SIK3: variants seen among roughly 807,000 people sequenced by gnomAD.
SIK3 encodes the protein SIK family kinase 3, also known as serine/threonine-protein kinase SIK3.
SIK3 carries 28 observed loss-of-function variants against 144.2 expected under a neutral mutation model. The ratio of observed to expected loss-of-function variants is 0.19; its 90% CI spans 0.14 to 0.27. The LOEUF (loss-of-function observed/expected upper bound fraction) is 0.27. SIK3 is among the 10% of genes least tolerant of loss of function. The pLI is 1.00. For missense variants in SIK3, 1,319 were observed against 1,776.0 expected (o/e 0.74, Z 4.62); for synonymous variants, 686 against 676.3 (o/e 1.01, Z -0.22).
intron 1 of SIK3, among the ~76,000 whole-genome samples, chr11:116,958,052 C>T (rs528089835): frequency 1.3e-5 from 2 of 152,222 alleles, no homozygotes; most frequent in South Asian, 4.1e-4. Context: ...ATGTCTATAT[C>T]TCAGTTTCAA....
At chr11:117,025,920 T>C (rs894898627) in intron 1 of SIK3, among the ~76,000 whole-genome samples, 1 of 152,174 alleles carries the variant, frequency 6.6e-6, no homozygotes, top group Non-Finnish European at 1.5e-5. Flanking sequence ...TTGTGTTCAA[T>C]ACTAAGCCAT....
chr11:116,966,051 G>C (rs1453630312), intron 1 of SIK3, among the ~76,000 whole-genome samples: 4 of 152,022 alleles, frequency 2.6e-5, no homozygotes, highest in African/African-American at 9.7e-5. Context: ...GGGATCTGGG[G>C]AAGAAAAGGG....
intron 1 of SIK3, among the ~76,000 whole-genome samples, chr11:117,082,480 T>C (rs1261388324): frequency 6.6e-6 from 1 of 152,190 alleles, no homozygotes; most frequent in Non-Finnish European, 1.5e-5. Context: ...TGTAAGAACA[T>C]GCATGAACCT....
intron 1 of SIK3, among the ~76,000 whole-genome samples, chr11:117,045,139 G>T (rs1399535484): frequency 6.6e-6 from 1 of 152,178 alleles, no homozygotes; most frequent in Non-Finnish European, 1.5e-5. Flanking sequence ...GCACAAGACA[G>T]AATCAGTCTT....
At position 116,858,611 on chromosome 11, in the gene SIK3, T is replaced by C. The variant is rs1483391905; in HGVS notation, c.2854A>G (p.Ser952Gly). 6.2e-7 allele frequency: 1 copy of C among 1,612,360 alleles called. No individual in the cohort carries two copies. The highest frequency in any genetic ancestry group is 8.5e-7 in the Non-Finnish European group (1 of 1,179,100). ...LFSDQSRGSP[S>G]SYSPSTGVGF... ...ACTCCTGTTGAAGGGCTGTAGCTGC[T>C]GGGGGAACCCCGGGACTGGTCCGAA... The change falls in exon 21 of 25, where the codon AGC (serine) becomes GGC (glycine). Residue 952 changes from serine (S) to glycine (G), a missense_variant. This residue lies in a region of SIK3 where 646 missense variants were observed against 763.7 expected (regional missense o/e 0.85). Coordinates refer to ENST00000445177, the MANE Select transcript of SIK3 (RefSeq NM_001366686.3). This position sits in a 1 kb window ranked among gnomAD's most constrained non-coding sequence, Gnocchi z 5.4.
intron 1 of SIK3, among the ~76,000 whole-genome samples, chr11:116,987,495 C>G (rs750570428): frequency 6.6e-6 from 1 of 152,068 alleles, no homozygotes; most frequent in Non-Finnish European, 1.5e-5. Context: ...ATTCTGACAT[C>G]AGTAAACAAG....
chr11:116,956,294 T>C (rs1222495691), intron 2 of SIK3, among the ~76,000 whole-genome samples: 1 of 151,962 alleles, frequency 6.6e-6, no homozygotes. Flanking sequence ...TAGGGAATCA[T>C]TTTGATGATG....
At chr11:117,007,999 C>A (rs1951112990) in intron 1 of SIK3, among the ~76,000 whole-genome samples, 1 of 145,120 alleles carries the variant, frequency 6.9e-6, no homozygotes, top group South Asian at 2.2e-4. Flanking sequence ...TCGCTTGAAC[C>A]CGGGTAGCAG....
In SIK3 at chr11:117,021,928, C is replaced by CAAAAAAAAAAA. The variant is rs71037444; in HGVS notation, c.274-64875_274-64865dup. ...ATAGCACAGTGAGCCTCTGTCTCTA[C>CAAAAAAAAAAA]AAAAAAAAAAAAAAAAAAAAAAAAA... On this transcript the variant is annotated intron_variant, in intron 1 of 24. Transcript: ENST00000445177. 9.7e-4 allele frequency among the ~76,000 whole-genome samples: 57 copies of CAAAAAAAAAAA among 58,994 alleles called. 6 individuals carry two copies. Among genetic ancestry groups the CAAAAAAAAAAA allele is most frequent in the East Asian group, 4.0e-3 (6 of 1,512 alleles). The allele number at this position is 58,994 out of a possible 152,430, so 38.7% of individuals were successfully genotyped here.
chr11:116,922,464 CAA>C (rs1254213002), intron 4 of SIK3, among the ~76,000 whole-genome samples: 1 of 151,984 alleles, frequency 6.6e-6, no homozygotes, highest in Non-Finnish European at 1.5e-5. Flanking sequence ...GCAGCCTGGT[CAA>C]CAGAAGGTAA....
chr11:117,025,891 C>A (rs1273576356), intron 1 of SIK3, among the ~76,000 whole-genome samples: 2 of 152,106 alleles, frequency 1.3e-5, no homozygotes, highest in Non-Finnish European at 1.5e-5. Flanking sequence ...AAGGCTTTTT[C>A]CACAACTTTA....
chr11:117,092,041 C>G (rs770255072), intron 1 of SIK3, among the ~76,000 whole-genome samples: 1 of 152,072 alleles, frequency 6.6e-6, no homozygotes, highest in African/African-American at 2.4e-5. Context: ...CCTCATGCCC[C>G]CCCAAAGCAC....
At chr11:116,992,479 A>G (rs944977462) in intron 1 of SIK3, among the ~76,000 whole-genome samples, 1 of 152,228 alleles carries the variant, frequency 6.6e-6, no homozygotes, top group Non-Finnish European at 1.5e-5. Flanking sequence ...AATTACATTG[A>G]GGCCAAAGTA....
At chr11:116,957,613 T>C (rs1435289902) in intron 1 of SIK3, among the ~76,000 whole-genome samples, 2 of 152,118 alleles carry the variant, frequency 1.3e-5, no homozygotes, top group Non-Finnish European at 2.9e-5. Context: ...ATCTACCATA[T>C]ACGAAATGTT....
intron 1 of SIK3, among the ~76,000 whole-genome samples, chr11:117,008,448 T>A (rs1376895257): frequency 2.0e-5 from 3 of 147,912 alleles, no homozygotes; most frequent in Admixed American, 6.7e-5. Flanking sequence ...AACTCACAAG[T>A]TTGTTAACAT....
chr11:116,847,322 A>G (rs1197114363), intron 23 of SIK3, among the ~76,000 whole-genome samples, 154 bp downstream of exon 23: 3 of 152,150 alleles, frequency 2.0e-5, no homozygotes, highest in Admixed American at 2.0e-4. Flanking sequence ...CTCAGGGAAG[A>G]CCAGTGGGGA....
At chr11:117,095,714 A>G (rs1425536358) in intron 1 of SIK3, among the ~76,000 whole-genome samples, 1 of 152,228 alleles carries the variant, frequency 6.6e-6, no homozygotes, top group Non-Finnish European at 1.5e-5. Context: ...GTTCACCCAG[A>G]GCACGTGACA....
intron 1 of SIK3, among the ~76,000 whole-genome samples, chr11:117,013,915 G>GGGGGGTGTGT (rs1206309055): frequency 3.4e-4 from 8 of 23,644 alleles, no homozygotes; most frequent in Non-Finnish European, 7.8e-4. Flanking sequence ...GGGGGGGGAG[G>GGGGGGTGTGT]GTGTGTGTGT....
intron 6 of SIK3, among the ~76,000 whole-genome samples, chr11:116,879,813 G>A (rs1944457201): frequency 6.6e-6 from 1 of 152,164 alleles, no homozygotes; most frequent in Non-Finnish European, 1.5e-5. Flanking sequence ...ACAACAGTAC[G>A]CTTTATTAAA....
Sources: gnomAD v4.1 joint callset for allele counts (sites outside exome capture counted in the v4.1 genomes callset) on GRCh38, gnomAD v4.1.1 for gene constraint, gnomAD v4.1.1 regional missense constraint, Gnocchi (gnomAD v3.1) non-coding constraint, MANE v1.5 for transcripts, NCBI Gene and HGNC (gene_info 2026-07-23, HGNC 2026-07-21) for gene names.